The following SYT14 variants were observed in gnomAD, a reference collection of about 807,000 sequenced individuals.
SYT14 encodes synaptotagmin 14.
SYT14 carries 32 observed loss-of-function variants against 74.2 expected under a neutral mutation model. The ratio of observed to expected loss-of-function variants is 0.43; its 90% CI spans 0.33 to 0.58. SYT14 has a LOEUF of 0.58. Ranked by LOEUF, SYT14 falls within the 20% of genes least tolerant of loss-of-function variation. The pLI, the probability that SYT14 is intolerant of heterozygous loss-of-function variation, is 0.05. For missense variants in SYT14, 791 were observed against 981.8 expected (o/e 0.81, Z 2.60); for synonymous variants, 298 against 337.7 (o/e 0.88, Z 1.29).
intron 7 of SYT14, among the ~76,000 whole-genome samples, chr1:210,105,610 C>A (rs2082143961): frequency 6.6e-6 from 1 of 152,186 alleles, no homozygotes; most frequent in South Asian, 2.1e-4. Context: ...AGTACATTAA[C>A]CCCTGCGGTC....
intron 8 of SYT14, among the ~76,000 whole-genome samples, chr1:210,157,814 A>T (rs1000202276): frequency 6.6e-6 from 1 of 151,934 alleles, no homozygotes; most frequent in African/African-American, 2.4e-5. Context: ...TAACTTTTTT[A>T]TCCTTGAATT....
intron 7 of SYT14, among the ~76,000 whole-genome samples, chr1:210,113,770 G>C (rs1351910423): frequency 6.6e-6 from 1 of 151,080 alleles, no homozygotes; most frequent in Non-Finnish European, 1.5e-5. Flanking sequence ...AGATAATTTA[G>C]TTGAAATGTC....
intron 5 of SYT14, among the ~76,000 whole-genome samples, chr1:210,087,738 A>G (rs2081765475): frequency 2.0e-5 from 3 of 152,148 alleles, no homozygotes; most frequent in African/African-American, 7.2e-5. Context: ...TGGTATGGAC[A>G]TGGACACCCT....
chr1:210,049,432 CT>C (rs948416246), intron 5 of SYT14, among the ~76,000 whole-genome samples: 49 of 133,148 alleles, frequency 3.7e-4, no homozygotes, highest in East Asian at 1.9e-3. Context: ...GATTTTTTTT[CT>C]TTTTTTTTTT....
At chr1:210,032,741 G>T (rs1159027350) in intron 5 of SYT14, among the ~76,000 whole-genome samples, 1 of 150,640 alleles carries the variant, frequency 6.6e-6, no homozygotes, top group Non-Finnish European at 1.5e-5. Flanking sequence ...TATCAATTCT[G>T]TTTTTTTATT....
intron 2 of SYT14, among the ~76,000 whole-genome samples, chr1:209,974,725 G>A (rs2079324981): frequency 6.6e-6 from 1 of 152,022 alleles, no homozygotes; most frequent in Non-Finnish European, 1.5e-5. Flanking sequence ...GAACTTTAAA[G>A]TAGTTTTTTC....
intron 5 of SYT14, among the ~76,000 whole-genome samples, chr1:210,048,119 GA>G (rs1166042802): frequency 6.6e-6 from 1 of 152,156 alleles, no homozygotes; most frequent in African/African-American, 2.4e-5. Context: ...ATTCATTGAT[GA>G]TTCTTGACTA....
At chr1:210,004,102 G>A (rs1171209035) in intron 2 of SYT14, among the ~76,000 whole-genome samples, 1 of 151,820 alleles carries the variant, frequency 6.6e-6, no homozygotes, top group Non-Finnish European at 1.5e-5. Flanking sequence ...TGTTTGACTC[G>A]TATTATATTA....
chr1:209,948,788 G>A (rs1188916741), intron 1 of SYT14, among the ~76,000 whole-genome samples: 1 of 152,106 alleles, frequency 6.6e-6, no homozygotes, highest in Non-Finnish European at 1.5e-5. Context: ...GTAGTTCTGA[G>A]TTCTAGTGTC....
chr1:210,169,842 T>G (rs1056593548), exon 10 of SYT14: 11 of 152,168 alleles, frequency 7.2e-5, no homozygotes, highest in Admixed American at 1.3e-4. Context: ...ACTCTTGCAT[T>G]GTATTTTATT....
intron 7 of SYT14, among the ~76,000 whole-genome samples, chr1:210,130,449 A>G (rs761976528): frequency 6.6e-6 from 1 of 152,216 alleles, no homozygotes; most frequent in Non-Finnish European, 1.5e-5. Context: ...TTATTTAAAC[A>G]AAGTTTATTG....
At chr1:209,944,760 C>A (rs1213765112) in intron 1 of SYT14, among the ~76,000 whole-genome samples, 2 of 151,122 alleles carry the variant, frequency 1.3e-5, no homozygotes, top group Non-Finnish European at 2.9e-5. Context: ...TTTTTTTTCC[C>A]TCTCTTTTTT....
At chr1:210,103,321 T>G (rs1445775033) in intron 7 of SYT14, among the ~76,000 whole-genome samples, 1 of 151,742 alleles carries the variant, frequency 6.6e-6, no homozygotes, top group Non-Finnish European at 1.5e-5. Context: ...GAGGCCGAGG[T>G]GGGCAGATCA....
intron 2 of SYT14, among the ~76,000 whole-genome samples, chr1:210,001,578 T>C (rs227190): frequency 0.54 from 82,668 of 151,992 alleles, 23,781 homozygotes; most frequent in African/African-American, 0.73. Flanking sequence ...CATGCTAGTA[T>C]GGGAAGACAG....
At chr1:209,986,612 C>CA (rs200153846) in intron 2 of SYT14, among the ~76,000 whole-genome samples, 134 of 139,898 alleles carry the variant, frequency 9.6e-4, no homozygotes, top group Middle Eastern at 7.2e-3. Flanking sequence ...GACTCCGTCT[C>CA]AAAAAAAAAA....
At chr1:209,975,532 G>A (rs4844928) in intron 2 of SYT14, among the ~76,000 whole-genome samples, 5,313 of 152,270 alleles carry the variant, frequency 0.035, 619 homozygotes, top group Admixed American at 0.23. Flanking sequence ...TGTTGAACCA[G>A]CCTTGCATCC....
At chr1:209,992,031 A>G (rs1379929848) in intron 2 of SYT14, among the ~76,000 whole-genome samples, 2 of 152,206 alleles carry the variant, frequency 1.3e-5, no homozygotes, top group African/African-American at 2.4e-5. Flanking sequence ...AAATCATTAT[A>G]TCAAAAAGAT....
chr1:209,993,889 C>G (rs987256472), intron 2 of SYT14, among the ~76,000 whole-genome samples: 1 of 152,100 alleles, frequency 6.6e-6, no homozygotes, highest in African/African-American at 2.4e-5. Context: ...GGATTGTAGC[C>G]CAAACTGCAA....
chr1:210,015,445 G>A (rs986135517), intron 3 of SYT14, among the ~76,000 whole-genome samples: 5 of 152,118 alleles, frequency 3.3e-5, no homozygotes, highest in Non-Finnish European at 7.4e-5. Flanking sequence ...AATCAAGTAG[G>A]ATAAAATGTG....
Sources: gnomAD v4.1 joint callset for allele counts (sites outside exome capture counted in the v4.1 genomes callset) on GRCh38, gnomAD v4.1.1 for gene constraint, MANE v1.5 for transcripts, NCBI Gene and HGNC (gene_info 2026-07-23, HGNC 2026-07-21) for gene names.